The following CFAP96 variants were observed in gnomAD, a reference collection of about 807,000 sequenced individuals.
CFAP96 encodes the protein cilia and flagella associated protein 96, also known as cilia-and flagella-associated protein 96.
the CFAP96 span, among the ~76,000 whole-genome samples, chr4:185,436,942 G>T: frequency 2.6e-5 from 4 of 151,986 alleles, no homozygotes; most frequent in African/African-American, 9.7e-5. Flanking sequence ...CTGTAAACTA[G>T]CTGTGAAACT....
chr4:185,445,134 G>C, the CFAP96 span: 1 of 1,550,376 alleles, frequency 6.5e-7, no homozygotes, highest in Non-Finnish European at 8.7e-7. Flanking sequence ...TCAGAAGGTG[G>C]GAATATCTTA....
At chr4:185,416,600 C>T in the CFAP96 span, among the ~76,000 whole-genome samples, 254 of 152,098 alleles carry the variant, frequency 1.7e-3, 5 homozygotes, top group East Asian at 0.044. Context: ...TAAAAATGAA[C>T]GTGTTATGTG....
At chr4:185,413,728 T>C in the CFAP96 span, 1 of 1,608,494 alleles carries the variant, frequency 6.2e-7, no homozygotes, top group African/African-American at 1.3e-5. Context: ...AAACTCACCA[T>C]ACCAGTCTCC....
the CFAP96 span, chr4:185,425,831 A>G: frequency 6.3e-7 from 1 of 1,599,594 alleles, no homozygotes; most frequent in Middle Eastern, 1.7e-4. Flanking sequence ...GTCCGGGGAA[A>G]AACACAGGGG....
the CFAP96 span, among the ~76,000 whole-genome samples, chr4:185,429,855 C>G: frequency 0.25 from 37,308 of 151,784 alleles, 5,554 homozygotes; most frequent in African/African-American, 0.42. Context: ...TGGAGTAGGG[C>G]GGGGGAGCTC....
chr4:185,426,232 C>T, the CFAP96 span: 2 of 277,016 alleles, frequency 7.2e-6, no homozygotes, highest in Non-Finnish European at 1.4e-5. Flanking sequence ...ACACAATAAA[C>T]GCCAGCTGTG....
At chr4:185,422,465 G>C in the CFAP96 span, 1 of 1,580,788 alleles carries the variant, frequency 6.3e-7, no homozygotes, top group Non-Finnish European at 8.6e-7. Flanking sequence ...TAATAAAAAA[G>C]AATTTTTCAG....
At chr4:185,408,505 GA>G in the CFAP96 span, 2 of 1,449,504 alleles carry the variant, frequency 1.4e-6, no homozygotes, top group Non-Finnish European at 9.5e-7. Flanking sequence ...ATATGCTCCC[GA>G]ATTATGTTTA....
the CFAP96 span, among the ~76,000 whole-genome samples, chr4:185,439,945 C>T: frequency 2.4e-4 from 34 of 142,540 alleles, no homozygotes; most frequent in African/African-American, 8.7e-4. Flanking sequence ...ATATATGTAT[C>T]ATATATATGA....
At chr4:185,432,107 A>G in the CFAP96 span, 6 of 1,551,856 alleles carry the variant, frequency 3.9e-6, no homozygotes, top group Middle Eastern at 1.7e-4. Context: ...TGAAGGCTAC[A>G]TAAATCTGAA....
the CFAP96 span, chr4:185,432,025 T>G: frequency 6.4e-6 from 10 of 1,551,572 alleles, no homozygotes; most frequent in Non-Finnish European, 8.7e-6. Flanking sequence ...AGATGCTACC[T>G]GGAGGGTCCA....
chr4:185,445,141 C>G, the CFAP96 span: 1 of 1,547,170 alleles, frequency 6.5e-7, no homozygotes, highest in Non-Finnish European at 8.7e-7. Context: ...GTGGGAATAT[C>G]TTACACTTAG....
chr4:185,414,142 T>A, the CFAP96 span, among the ~76,000 whole-genome samples: 1 of 152,214 alleles, frequency 6.6e-6, no homozygotes, highest in South Asian at 2.1e-4. Flanking sequence ...AACTAATTTT[T>A]AAATAATTAT....
At chr4:185,437,667 A>G in the CFAP96 span, among the ~76,000 whole-genome samples, 23 of 152,302 alleles carry the variant, frequency 1.5e-4, no homozygotes, top group East Asian at 2.7e-3. Context: ...TAGGGATAAT[A>G]TTGCATACAT....
chr4:185,438,722 A>G, the CFAP96 span, among the ~76,000 whole-genome samples: 7 of 152,152 alleles, frequency 4.6e-5, no homozygotes, highest in Non-Finnish European at 8.8e-5. Flanking sequence ...TTACTTAGAA[A>G]TGGTTTTTAC....
the CFAP96 span, among the ~76,000 whole-genome samples, chr4:185,431,138 A>G: frequency 7.0e-6 from 1 of 143,342 alleles, no homozygotes; most frequent in African/African-American, 2.6e-5. Flanking sequence ...TGAACCTGGG[A>G]GGTGGAGGTT....
the CFAP96 span, among the ~76,000 whole-genome samples, chr4:185,419,786 T>C: frequency 2.0e-5 from 3 of 152,262 alleles, no homozygotes; most frequent in Admixed American, 1.3e-4. Flanking sequence ...TTCCATTGTG[T>C]GGATACACCA....
the CFAP96 span, among the ~76,000 whole-genome samples, chr4:185,430,829 T>C: frequency 1.3e-5 from 2 of 150,370 alleles, no homozygotes; most frequent in African/African-American, 2.5e-5. Context: ...GCCCAGGAGG[T>C]TGAGGCTGCA....
chr4:185,445,200 T>G, the CFAP96 span: 1 of 1,273,616 alleles, frequency 7.9e-7, no homozygotes, highest in Non-Finnish European at 1.1e-6. Context: ...TTCTTCAAAA[T>G]AGTATCTTTT....
Sources: gnomAD v4.1 joint callset for allele counts (sites outside exome capture counted in the v4.1 genomes callset) on GRCh38, gnomAD v4.1.1 for gene constraint, MANE v1.5 for transcripts, NCBI Gene and HGNC (gene_info 2026-07-23, HGNC 2026-07-21) for gene names.